Variants in ADGRB3 observed in about 807,000 individuals in gnomAD.
ADGRB3 encodes adhesion G protein-coupled receptor B3.
In ADGRB3, 37 loss-of-function variants were observed where a neutral mutation model predicts 193.4. The ratio of observed to expected loss-of-function variants is 0.19; its 90% CI spans 0.15 to 0.25. The LOEUF (loss-of-function observed/expected upper bound fraction) is 0.25, where lower values mean the gene tolerates loss of function less well. Among genes scored for constraint, ADGRB3 ranks in the 10% least tolerant of loss-of-function variants. The pLI, the probability that ADGRB3 is intolerant of heterozygous loss-of-function variation, is 1.00. For missense variants in ADGRB3, 1,637 were observed against 1,852.9 expected, an observed-to-expected ratio of 0.88 and a Z score of 2.14; for synonymous variants, 690 against 644.2, an observed-to-expected ratio of 1.07 and a Z score of -1.08.
chr6:69,218,797 A>G (rs1316120053), intron 17 of ADGRB3, among the ~76,000 whole-genome samples: 1 of 152,176 alleles, frequency 6.6e-6, no homozygotes, highest in South Asian at 2.1e-4. Flanking sequence ...GGGGTCATAC[A>G]CAATGGATTT....
intron 3 of ADGRB3, 29 bp downstream of exon 3, chr6:68,639,461 C>T (rs756805900): frequency 2.6e-6 from 4 of 1,553,262 alleles, no homozygotes; most frequent in Admixed American, 3.9e-5. Flanking sequence ...GGAAGGTGAG[C>T]GGGGGAGCAC....
At chr6:69,045,769 C>A (rs1771216796) in intron 13 of ADGRB3, among the ~76,000 whole-genome samples, 2 of 152,156 alleles carry the variant, frequency 1.3e-5, no homozygotes, top group South Asian at 2.1e-4. Flanking sequence ...TAAAAACCTC[C>A]ATTACATTCC....
chr6:68,904,037 GGGAGGGAAGGAGGGAA>G (rs58787855), intron 3 of ADGRB3, among the ~76,000 whole-genome samples: 9,865 of 104,950 alleles, frequency 0.094, 592 homozygotes, highest in Non-Finnish European at 0.13. Flanking sequence ...AAACAAGGAA[GGGAGGGAAGGAGGGAA>G]GGAGGGAAGG....
At chr6:69,044,889 A>C (rs1771195181) in intron 13 of ADGRB3, among the ~76,000 whole-genome samples, 1 of 152,154 alleles carries the variant, frequency 6.6e-6, no homozygotes. Flanking sequence ...CTTTTTTTCA[A>C]TGTTTGAAGA....
intron 22 of ADGRB3, among the ~76,000 whole-genome samples, chr6:69,328,652 C>T (rs1432686049): frequency 2.6e-5 from 4 of 152,104 alleles, no homozygotes; most frequent in Non-Finnish European, 5.9e-5. Flanking sequence ...ATTAGACCCT[C>T]TGATAGGTTC....
intron 30 of ADGRB3, among the ~76,000 whole-genome samples, chr6:69,377,477 T>C (rs907579255): frequency 2.0e-5 from 3 of 152,026 alleles, no homozygotes; most frequent in African/African-American, 7.2e-5. Context: ...CCCTTCCCTT[T>C]TCATCTAGAA....
chr6:69,380,784 A>T (rs1351291719), intron 30 of ADGRB3, among the ~76,000 whole-genome samples: 8 of 151,858 alleles, frequency 5.3e-5, no homozygotes, highest in Non-Finnish European at 1.2e-4. Context: ...CCTCCATTAG[A>T]CTTCAAGCTA....
At chr6:69,358,721 T>C (rs947858655) in intron 28 of ADGRB3, among the ~76,000 whole-genome samples, 1 of 151,906 alleles carries the variant, frequency 6.6e-6, no homozygotes, top group African/African-American at 2.4e-5. Context: ...GTTTGAAGTT[T>C]GTGTTTCACT....
Position 69,305,385 on chromosome 6 carries a change from A to G in ADGRB3, c.2815-19487A>G, listed in dbSNP as rs183368624. ...AAATATACTTTTTTGGCTAATAGAG[A>G]TTGTTGATTTATACAGTGTGGATTA... On this transcript the variant is annotated intron_variant, in intron 20 of 31. Coordinates refer to ENST00000370598, the MANE Select transcript of ADGRB3 (RefSeq NM_001704.3). 5.3e-5 allele frequency among the ~76,000 whole-genome samples: 8 copies of G among 151,522 alleles called. 1 individual carries two copies. Among genetic ancestry groups the G allele is most frequent in the African/African-American group, 1.9e-4 (8 of 41,130 alleles).
chr6:69,074,242 T>C (rs1442383147), intron 16 of ADGRB3, among the ~76,000 whole-genome samples: 9 of 152,194 alleles, frequency 5.9e-5, no homozygotes, highest in Non-Finnish European at 1.0e-4. Context: ...GTTAGTCATG[T>C]ACCAATTAAA....
intron 17 of ADGRB3, among the ~76,000 whole-genome samples, chr6:69,105,960 G>C (rs2086599): frequency 0.2 from 30,398 of 151,868 alleles, 3,339 homozygotes; most frequent in Middle Eastern, 0.33. Flanking sequence ...CATGGTGAAA[G>C]CTTATCTCTA....
rs149372196 is a variant in ADGRB3 at position 69,004,918 on chromosome 6, G to A, written c.1930-9120G>A. Reference sequence around the variant, plus strand: ...ATCTTTCTTCAGGACTGGACCTGCTGTGACTACTGCCTGTAGTCTTGTAAG... The same window carrying A: ...ATCTTTCTTCAGGACTGGACCTGCTATGACTACTGCCTGTAGTCTTGTAAG... On this transcript the variant is annotated intron_variant, in intron 11 of 31. Transcript: ENST00000370598. Among the ~76,000 whole-genome samples, 317 of 152,228 alleles carry A rather than the reference G, an allele frequency of 2.1e-3. 1 individual carries two copies. Among genetic ancestry groups the A allele is most frequent in the African/African-American group, 7.3e-3 (303 of 41,532 alleles).
intron 20 of ADGRB3, among the ~76,000 whole-genome samples, chr6:69,299,824 C>A (rs1426833303): frequency 6.6e-6 from 1 of 151,822 alleles, no homozygotes; most frequent in Non-Finnish European, 1.5e-5. Flanking sequence ...ATGATACCTC[C>A]AGCTTTCTTC....
At position 68,956,714 on chromosome 6, in the gene ADGRB3, G is replaced by C; in HGVS notation, c.1430G>C (p.Arg477Thr). The C allele has an allele frequency of 6.2e-7, 1 of 1,614,072 alleles. No individual in the cohort carries two copies. Among genetic ancestry groups the C allele is most frequent in the Non-Finnish European group, 8.5e-7 (1 of 1,179,994 alleles). Residue 477 changes from arginine to threonine, a missense_variant, in exon 8 of 32, where the codon AGG becomes ACG. By Grantham distance (71) the Arg-to-Thr change is moderately conservative. Transcript: ENST00000370598. ...CSKSCDGGWE[R>T]RIRTCQGAVI... ...AAGTCCTGTGATGGCGGCTGGGAAA[G>C]GCGAATAAGGACCTGTCAGGGTGCA...
intron 29 of ADGRB3, among the ~76,000 whole-genome samples, chr6:69,371,867 C>A (rs1242469169): frequency 6.6e-6 from 1 of 152,018 alleles, no homozygotes; most frequent in Non-Finnish European, 1.5e-5. Context: ...ATGAGAAGGA[C>A]TTTTCTGTCA....
intron 17 of ADGRB3, among the ~76,000 whole-genome samples, chr6:69,213,181 G>C (rs371236060): frequency 3.9e-5 from 6 of 152,112 alleles, no homozygotes; most frequent in Non-Finnish European, 5.9e-5. Flanking sequence ...TCCCCACTTG[G>C]CTTCAGAAAT....
intron 20 of ADGRB3, among the ~76,000 whole-genome samples, chr6:69,291,460 A>G (rs1767665608): frequency 2.0e-5 from 3 of 152,154 alleles, no homozygotes; most frequent in Admixed American, 6.6e-5. Flanking sequence ...CTAGGATTCA[A>G]AGGTAGAATC....
At chr6:69,334,288 A>AT in intron 24 of ADGRB3, among the ~76,000 whole-genome samples, 1 of 152,232 alleles carries the variant, frequency 6.6e-6, no homozygotes, top group African/African-American at 2.4e-5. Flanking sequence ...TACTTATGAA[A>AT]TTTTAAGTCC....
chr6:68,975,867 T>C (rs550165725), intron 10 of ADGRB3, among the ~76,000 whole-genome samples: 5 of 152,270 alleles, frequency 3.3e-5, no homozygotes, highest in African/African-American at 9.6e-5. Context: ...TTCCAAAAAA[T>C]AGCTCTTCTT....
Sources: gnomAD v4.1 joint callset for allele counts (sites outside exome capture counted in the v4.1 genomes callset) on GRCh38, gnomAD v4.1.1 for gene constraint, MANE v1.5 for transcripts, NCBI Gene and HGNC (gene_info 2026-07-23, HGNC 2026-07-21) for gene names.